The following USH2A variants were observed in gnomAD, a reference collection of about 807,000 sequenced individuals.
USH2A encodes the protein usherin.
USH2A carries 443 observed loss-of-function variants against 538.9 expected under a neutral mutation model. The observed-to-expected ratio is 0.82, with a 90% CI of 0.76 to 0.89. The LOEUF (loss-of-function observed/expected upper bound fraction) is 0.89. USH2A is among the 40% of genes least tolerant of loss of function. USH2A has a pLI of 0.00. For missense variants in USH2A, 6,633 were observed against 6,324.8 expected (o/e 1.05, Z -1.65); for synonymous variants, 2,413 against 2,273.5 (o/e 1.06, Z -1.75).
intron 16 of USH2A, among the ~76,000 whole-genome samples, chr1:216,201,208 G>T (rs1237995143): frequency 2.0e-5 from 3 of 151,200 alleles, no homozygotes; most frequent in Admixed American, 6.6e-5. Flanking sequence ...ATCCCCATCG[G>T]CAACTTTCAT....
At chr1:216,048,719 CTG>C (rs968255914) in intron 30 of USH2A, 72 bp from the exon 31 acceptor site, 16 of 1,225,942 alleles carry the variant, frequency 1.3e-5, no homozygotes, top group Non-Finnish European at 1.8e-5. Flanking sequence ...GTGTGTATAT[CTG>C]TGTGTGTGTC....
At chr1:215,630,486 A>G (rs57752429) in intron 70 of USH2A, among the ~76,000 whole-genome samples, 877 of 17,640 alleles carry the variant, frequency 0.05, 8 homozygotes, top group East Asian at 0.14. Context: ...GTGTGTGTAT[A>G]TATATATATA....
intron 46 of USH2A, among the ~76,000 whole-genome samples, chr1:215,842,461 T>G (rs1323955716): frequency 1.3e-5 from 2 of 152,182 alleles, no homozygotes; most frequent in Non-Finnish European, 2.9e-5. Context: ...TTACTGGGTA[T>G]ATACCCAAAG....
Position 215,647,594 on chromosome 1 carries a change from G to A in USH2A, c.14719C>T (p.Leu4907=). 6.2e-7 allele frequency: 1 copy of A among 1,614,118 alleles called. No individual in the cohort carries two copies. Among genetic ancestry groups the A allele is most frequent in the Non-Finnish European group, 8.5e-7 (1 of 1,180,014 alleles). The change falls in exon 67 of 72, where the codon CTG becomes TTG. Residue 4907 remains leucine (L), a synonymous_variant. Coordinates refer to ENST00000307340, the MANE Select transcript of USH2A (RefSeq NM_206933.4). ...GGLQPYTTYK[L]RVVAHNEVGS... ...ACCTCGTTGTGTGCCACCACTCTCA[G>A]CTTGTATGTGGTGTAGGGCTGGAGA...
At chr1:215,783,863 C>T (rs1442331406) in intron 52 of USH2A, among the ~76,000 whole-genome samples, 2 of 152,120 alleles carry the variant, frequency 1.3e-5, no homozygotes, top group African/African-American at 2.4e-5. Flanking sequence ...CTCCATTGGA[C>T]GTGGAGTTAA....
At chr1:216,379,775 T>C (rs1378175083) in intron 3 of USH2A, among the ~76,000 whole-genome samples, 2 of 152,284 alleles carry the variant, frequency 1.3e-5, no homozygotes, top group Admixed American at 6.5e-5. Context: ...AAGAAAACAA[T>C]TGAAAAGCTT....
chr1:215,983,036 C>T (rs913430167), intron 35 of USH2A, among the ~76,000 whole-genome samples: 4 of 152,086 alleles, frequency 2.6e-5, no homozygotes, highest in South Asian at 4.1e-4. Flanking sequence ...CTGGAACCTC[C>T]GCCTCCCAGG....
chr1:215,729,933 A>AT (rs927731021), intron 60 of USH2A, among the ~76,000 whole-genome samples: 2 of 152,114 alleles, frequency 1.3e-5, no homozygotes, highest in African/African-American at 4.8e-5. Flanking sequence ...TGCTTTAGAG[A>AT]TTTTTAAAGG....
At chr1:216,406,902 C>T (rs554988877) in intron 3 of USH2A, among the ~76,000 whole-genome samples, 13 of 152,192 alleles carry the variant, frequency 8.5e-5, no homozygotes, top group African/African-American at 2.9e-4. Context: ...CAAAAACAAC[C>T]TAAAATTACC....
In USH2A at chr1:215,680,202, G is replaced by C; in HGVS notation, c.12241C>G (p.Arg4081Gly). The C allele has an allele frequency of 1.2e-6, 2 of 1,614,030 alleles. No individual in the cohort carries two copies. The highest frequency in any genetic ancestry group is 1.7e-6 in the Non-Finnish European group (2 of 1,179,988). Residue 4081 changes from arginine (R) to glycine (G), a missense_variant, in exon 62 of 72, where the codon CGG (arginine) becomes GGG (glycine). Arg to Gly is a moderately radical substitution (Grantham distance 125). Coordinates refer to ENST00000307340, the MANE Select transcript of USH2A (RefSeq NM_206933.4). The stretch of plus-strand genomic sequence containing the variant: ...TCTGACCACTGTAGTAGCAATGCCC[G>C]GCCATTCTCTTTCTGTTCTACTATA... ...NFIVEQKENG[R>G]ALLLQWSEPM...
At chr1:216,023,465 A>AAAAAAAAAAAAAAAAAAAAAAAAAAAAT (rs1558217261) in intron 32 of USH2A, among the ~76,000 whole-genome samples, 1 of 101,468 alleles carries the variant, frequency 9.9e-6, no homozygotes, top group African/African-American at 3.0e-5. Flanking sequence ...CAGACAAAAA[A>AAAAAAAAAAAAAAAAAAAAAAAAAAAAT]AAAAAAAAAA....
chr1:216,093,524 G>T (rs1407036072), intron 22 of USH2A, among the ~76,000 whole-genome samples: 1 of 152,130 alleles, frequency 6.6e-6, no homozygotes, highest in African/African-American at 2.4e-5. Context: ...AACTAGACCT[G>T]CCAGATGAGT....
At chr1:216,324,411 T>G in intron 6 of USH2A, 59 bp from the exon 7 acceptor site, 2 of 1,430,664 alleles carry the variant, frequency 1.4e-6, no homozygotes. Flanking sequence ...TCAGTATATA[T>G]CAAACCATGG....
intron 37 of USH2A, among the ~76,000 whole-genome samples, chr1:215,941,905 G>T (rs1319108525): frequency 6.6e-6 from 1 of 152,084 alleles, no homozygotes; most frequent in Non-Finnish European, 1.5e-5. Flanking sequence ...ACACAGTAAG[G>T]TGTTCCTGTG....
intron 34 of USH2A, among the ~76,000 whole-genome samples, chr1:215,994,999 A>G (rs1668100801): frequency 6.6e-6 from 1 of 152,180 alleles, no homozygotes; most frequent in Admixed American, 6.5e-5. Flanking sequence ...TAGAAGGGAA[A>G]AATGTTGCAG....
At chr1:215,994,517 A>G (rs1207831431) in intron 34 of USH2A, among the ~76,000 whole-genome samples, 3 of 149,502 alleles carry the variant, frequency 2.0e-5, no homozygotes, top group Non-Finnish European at 4.5e-5. Flanking sequence ...TGCTATTACA[A>G]GACTATAGCA....
chr1:216,273,924 T>C (rs911367062), intron 11 of USH2A, among the ~76,000 whole-genome samples: 3 of 152,044 alleles, frequency 2.0e-5, no homozygotes, highest in Admixed American at 2.0e-4. Flanking sequence ...TACAAATCTA[T>C]AGTCAGCAAC....
chr1:215,858,508 C>T (rs12567496), intron 44 of USH2A, among the ~76,000 whole-genome samples: 40,049 of 147,608 alleles, frequency 0.27, 6,653 homozygotes, highest in Admixed American at 0.42. Flanking sequence ...TCTCGCATGT[C>T]GTCTCTTCAC....
At chr1:216,202,868 C>G (rs562986562) in intron 16 of USH2A, among the ~76,000 whole-genome samples, 1 of 152,292 alleles carries the variant, frequency 6.6e-6, no homozygotes, top group Admixed American at 6.5e-5. Context: ...GGCATGGTTA[C>G]ATTTCCTACA....
Sources: gnomAD v4.1 joint callset for allele counts (sites outside exome capture counted in the v4.1 genomes callset) on GRCh38, gnomAD v4.1.1 for gene constraint, MANE v1.5 for transcripts, NCBI Gene and HGNC (gene_info 2026-07-23, HGNC 2026-07-21) for gene names.